IGSF21: variants seen among roughly 807,000 people sequenced by gnomAD.
IGSF21 encodes the protein immunoglobulin superfamily member 21.
IGSF21 carries 28 observed loss-of-function variants against 46.8 expected under a neutral mutation model. The ratio of observed to expected loss-of-function variants is 0.60; its 90% CI spans 0.44 to 0.82. The LOEUF (loss-of-function observed/expected upper bound fraction) is 0.82. IGSF21 is among the 40% of genes least tolerant of loss of function. The pLI is 0.00. For synonymous variants in IGSF21, 284 were observed against 273.6 expected (o/e 1.04, Z -0.38); for missense variants, 624 against 665.5 (o/e 0.94, Z 0.69).
At chr1:18,363,631 G>C (rs1226554349) in intron 5 of IGSF21, among the ~76,000 whole-genome samples, 7 of 151,412 alleles carry the variant, frequency 4.6e-5, no homozygotes, top group African/African-American at 1.5e-4. Flanking sequence ...GTGGGGCAGT[G>C]GACAGAGGTG....
chr1:18,215,256 C>A (rs950832292), intron 1 of IGSF21, among the ~76,000 whole-genome samples: 3 of 152,330 alleles, frequency 2.0e-5, no homozygotes, highest in Non-Finnish European at 4.4e-5. Flanking sequence ...TTCATAGATT[C>A]ATGGATTCAT....
rs1465294766 is a variant in IGSF21, at chr1:18,334,306, T to C, written c.306-586T>C. ...CTGGGATGGGGGCTCCTTTGGGACCTGAATTTTATTGTCTTTCTCTTCCAT... is the reference window on the plus strand; with the variant it reads ...CTGGGATGGGGGCTCCTTTGGGACCCGAATTTTATTGTCTTTCTCTTCCAT... On this transcript the variant is annotated intron_variant, in intron 3 of 9. Coordinates refer to ENST00000251296, the MANE Select transcript of IGSF21 (RefSeq NM_032880.5). This position sits in a 1 kb window ranked among gnomAD's most constrained non-coding sequence, Gnocchi z 4.3. Among the ~76,000 whole-genome samples the C allele has an allele frequency of 6.6e-6, 1 of 152,182 alleles. No homozygotes were observed. The highest frequency in any genetic ancestry group is 1.5e-5 in the Non-Finnish European group (1 of 68,016).
intron 6 of IGSF21, among the ~76,000 whole-genome samples, chr1:18,373,957 G>A (rs1008122646): frequency 6.6e-6 from 1 of 152,192 alleles, no homozygotes; most frequent in Non-Finnish European, 1.5e-5. Context: ...CCAGGCCCGG[G>A]CCTGAAGGAG....
intron 2 of IGSF21, among the ~76,000 whole-genome samples, chr1:18,283,011 G>C (rs1000426491): frequency 9.2e-5 from 14 of 152,154 alleles, no homozygotes; most frequent in African/African-American, 3.4e-4. Flanking sequence ...TTCACAGCAG[G>C]CTCACCCACG....
At chr1:18,183,787 C>T (rs2086878067) in intron 1 of IGSF21, among the ~76,000 whole-genome samples, 1 of 152,034 alleles carries the variant, frequency 6.6e-6, no homozygotes, top group South Asian at 2.1e-4. Flanking sequence ...AGCAGCAGCT[C>T]CCTCGGGTGG....
intron 4 of IGSF21, among the ~76,000 whole-genome samples, chr1:18,338,898 G>C (rs556786238): frequency 6.6e-5 from 10 of 152,016 alleles, no homozygotes; most frequent in African/African-American, 2.2e-4. Flanking sequence ...GTGCAGGTTA[G>C]GGGGGAGGGA....
At chr1:18,201,558 C>T (rs2087075073) in intron 1 of IGSF21, among the ~76,000 whole-genome samples, 1 of 152,174 alleles carries the variant, frequency 6.6e-6, no homozygotes, top group Non-Finnish European at 1.5e-5. Flanking sequence ...TCAACTCAGC[C>T]TCCTGGTCCT....
intron 1 of IGSF21, among the ~76,000 whole-genome samples, chr1:18,152,928 T>G (rs754746005): frequency 1.5e-4 from 23 of 152,148 alleles, no homozygotes; most frequent in Non-Finnish European, 2.6e-4. Context: ...GGCTATCTTA[T>G]AGGGTACAGG....
At chr1:18,187,318 G>A (rs1023138211) in intron 1 of IGSF21, among the ~76,000 whole-genome samples, 1 of 152,136 alleles carries the variant, frequency 6.6e-6, no homozygotes, top group East Asian at 1.9e-4. Context: ...ATAAGGGCCT[G>A]TATTAGTCCG....
intron 1 of IGSF21, among the ~76,000 whole-genome samples, chr1:18,187,562 G>C (rs1296212805): frequency 6.6e-6 from 1 of 152,058 alleles, no homozygotes; most frequent in African/African-American, 2.4e-5. Flanking sequence ...GAACAGTATG[G>C]GGGAAACCAC....
chr1:18,235,891 T>C (rs948946030), intron 2 of IGSF21, among the ~76,000 whole-genome samples: 5 of 152,256 alleles, frequency 3.3e-5, no homozygotes, highest in Admixed American at 3.3e-4. Context: ...AGTGGTTTGG[T>C]TGACTACCAG....
intron 3 of IGSF21, among the ~76,000 whole-genome samples, chr1:18,295,138 CG>C (rs977812226): frequency 8.5e-5 from 13 of 152,122 alleles, no homozygotes; most frequent in Admixed American, 6.5e-4. Flanking sequence ...GGATGGAAGT[CG>C]GGTGGATCAT....
chr1:18,364,192 G>A (rs951917651), intron 5 of IGSF21, among the ~76,000 whole-genome samples: 1 of 151,972 alleles, frequency 6.6e-6, no homozygotes, highest in Non-Finnish European at 1.5e-5. Context: ...GGCATCTTAT[G>A]TTTGCCTGAG....
chr1:18,291,551 C>T (rs1208415844), intron 2 of IGSF21, among the ~76,000 whole-genome samples: 1 of 152,252 alleles, frequency 6.6e-6, no homozygotes, highest in African/African-American at 2.4e-5. Flanking sequence ...TCTCATCCCA[C>T]TTCCTTTCTT....
chr1:18,367,607 T>C (rs982579635), intron 6 of IGSF21, among the ~76,000 whole-genome samples: 1 of 126,478 alleles, frequency 7.9e-6, no homozygotes, highest in African/African-American at 3.0e-5. Flanking sequence ...CTCTCTCTTT[T>C]TTTTTTTTTT....
At chr1:18,146,342 G>GA (rs2086466714) in intron 1 of IGSF21, among the ~76,000 whole-genome samples, 1 of 152,138 alleles carries the variant, frequency 6.6e-6, no homozygotes, top group South Asian at 2.1e-4. Context: ...CCAAGAGGGG[G>GA]ATGGGTGGGG....
intron 1 of IGSF21, among the ~76,000 whole-genome samples, chr1:18,216,741 T>C (rs755128815): frequency 1.3e-5 from 2 of 152,160 alleles, no homozygotes; most frequent in African/African-American, 4.8e-5. Flanking sequence ...TCACCCTTTT[T>C]TCGGCCAACA....
At chr1:18,189,951 T>A (rs2086938764) in intron 1 of IGSF21, among the ~76,000 whole-genome samples, 1 of 152,088 alleles carries the variant, frequency 6.6e-6, no homozygotes, top group Non-Finnish European at 1.5e-5. Flanking sequence ...ATTAGGGAAG[T>A]GTATGGCTGC....
intron 2 of IGSF21, among the ~76,000 whole-genome samples, chr1:18,242,383 C>T (rs1220628697): frequency 1.3e-5 from 2 of 152,236 alleles, no homozygotes; most frequent in Admixed American, 6.5e-5. Context: ...TCATGGCACA[C>T]AGACCTCAGG....
Sources: gnomAD v4.1 joint callset for allele counts (sites outside exome capture counted in the v4.1 genomes callset) on GRCh38, gnomAD v4.1.1 for gene constraint, Gnocchi (gnomAD v3.1) non-coding constraint, MANE v1.5 for transcripts, NCBI Gene and HGNC (gene_info 2026-07-23, HGNC 2026-07-21) for gene names.